The following GNB1 variants were observed in gnomAD, a reference collection of about 807,000 sequenced individuals.
GNB1 encodes the protein G protein subunit beta 1, also known as guanine nucleotide-binding protein G(I)/G(S)/G(T) subunit beta-1.
A neutral mutation model predicts 42.9 loss-of-function variants in GNB1; 2 were observed. The observed-to-expected ratio is 0.05, with a 90% CI of 0.02 to 0.15. The LOEUF is 0.15. GNB1 is among the 10% of genes least tolerant of loss of function. The pLI is 1.00. For synonymous variants in GNB1, 183 were observed against 174.7 expected, an observed-to-expected ratio of 1.05 and a Z score of -0.38; for missense variants, 193 against 462.2, an observed-to-expected ratio of 0.42 and a Z score of 5.34.
intron 1 of GNB1, among the ~76,000 whole-genome samples, chr1:1,840,505 G>A (rs1303665059): frequency 1.3e-5 from 2 of 152,244 alleles, no homozygotes; most frequent in Admixed American, 6.5e-5. Flanking sequence ...TCCAGCCTGG[G>A]TGACAGTGCG....
intron 1 of GNB1, among the ~76,000 whole-genome samples, chr1:1,873,922 G>A (rs906472558): frequency 6.6e-6 from 1 of 152,186 alleles, no homozygotes; most frequent in African/African-American, 2.4e-5. Context: ...ATCCAGGCAG[G>A]CAGCGTGGGG....
chr1:1,843,082 C>G (rs945036923), intron 1 of GNB1, among the ~76,000 whole-genome samples: 1 of 152,168 alleles, frequency 6.6e-6, no homozygotes, highest in South Asian at 2.1e-4. Context: ...CAATACTGAC[C>G]CCAGTTGAGA....
chr1:1,790,622 G>A lies in GNB1; in HGVS notation c.498-26C>T. The A allele has an allele frequency of 6.4e-7, 1 of 1,555,216 alleles. No homozygotes were observed. The highest frequency in any genetic ancestry group is 8.9e-7 in the Non-Finnish European group (1 of 1,127,914). On this transcript the variant is annotated intron_variant, in intron 8 of 11. Coordinates refer to ENST00000378609, the MANE Select transcript of GNB1 (RefSeq NM_002074.5). The surrounding 1 kb of genome is among the most constrained non-coding windows in gnomAD (Gnocchi z 5.4). ...CTGGAGCAGGAGCGAATGACAAGGG[G>A]ACATCAGCCTTAACTTCTTGGGTGG...
intron 1 of GNB1, among the ~76,000 whole-genome samples, chr1:1,882,355 G>T (rs1557952858): frequency 1.3e-5 from 2 of 149,906 alleles, no homozygotes; most frequent in South Asian, 4.2e-4. Flanking sequence ...CTGAACCTGG[G>T]AGGCGGAGGT....
intron 1 of GNB1, among the ~76,000 whole-genome samples, chr1:1,866,308 G>A (rs937880374): frequency 6.6e-6 from 1 of 152,184 alleles, no homozygotes; most frequent in Admixed American, 6.5e-5. Flanking sequence ...CGTTTCACAG[G>A]GATGTCTTCC....
chr1:1,860,643 A>C (rs1648570890), intron 1 of GNB1, among the ~76,000 whole-genome samples: 5 of 149,330 alleles, frequency 3.3e-5, no homozygotes, highest in African/African-American at 7.3e-5. Flanking sequence ...TCTCCAACAA[A>C]AAAAAAAAAA....
intron 7 of GNB1, among the ~76,000 whole-genome samples, chr1:1,800,975 A>G (rs906284783): frequency 6.6e-6 from 1 of 152,236 alleles, no homozygotes; most frequent in Non-Finnish European, 1.5e-5. Flanking sequence ...CCTTTGCAGG[A>G]GAGCGGGAAG....
Position 1,790,734 on chromosome 1 carries a change from T to G in GNB1, c.498-138A>C. The stretch of plus-strand genomic sequence containing the variant: ...TGTTACTTTAAAAACGTAAATTGTT[T>G]AAAGACAAATTTAAATGTAATACAA... On this transcript the variant is annotated intron_variant, in intron 8 of 11. Coordinates refer to ENST00000378609, the MANE Select transcript of GNB1 (RefSeq NM_002074.5). This position sits in a 1 kb window ranked among gnomAD's most constrained non-coding sequence, Gnocchi z 5.4. The G allele has an allele frequency of 1.6e-6, 1 of 626,532 alleles. No individual in the cohort carries two copies. Among genetic ancestry groups the G allele is most frequent in the Non-Finnish European group, 2.9e-6 (1 of 349,324 alleles). 38.8% of individuals were successfully genotyped at this position (626,532 alleles called of 1,614,324 possible).
intron 1 of GNB1, among the ~76,000 whole-genome samples, chr1:1,864,890 T>C (rs372360715): frequency 1.8e-4 from 27 of 152,316 alleles, no homozygotes; most frequent in African/African-American, 6.3e-4. Flanking sequence ...ACCAATTACA[T>C]TTTACTTGGC....
intron 2 of GNB1, among the ~76,000 whole-genome samples, chr1:1,836,090 AAAAAAAC>A (rs1301857382): frequency 5.5e-4 from 83 of 152,010 alleles, no homozygotes; most frequent in African/African-American, 1.9e-3. Flanking sequence ...ACCCTATTTC[AAAAAAAC>A]AAAAAACAAA....
At chr1:1,873,761 T>C (rs1290938494) in intron 1 of GNB1, among the ~76,000 whole-genome samples, 1 of 151,804 alleles carries the variant, frequency 6.6e-6, no homozygotes, top group African/African-American at 2.4e-5. Context: ...GAGGTTACAG[T>C]GAGCCAAGAT....
chr1:1,816,555 T>G (rs998098423), intron 4 of GNB1, among the ~76,000 whole-genome samples: 2 of 151,998 alleles, frequency 1.3e-5, no homozygotes, highest in Non-Finnish European at 2.9e-5. Context: ...ATTTAGACAA[T>G]GTAAAAAACT....
chr1:1,864,338 A>AAAAAAAAAAAAAAAAC (rs1648802871), intron 1 of GNB1, among the ~76,000 whole-genome samples: 1 of 133,092 alleles, frequency 7.5e-6, no homozygotes. Context: ...AAAAAAAAAG[A>AAAAAAAAAAAAAAAAC]AGAAAACCCC....
At chr1:1,877,316 A>T (rs58263709) in intron 1 of GNB1, among the ~76,000 whole-genome samples, 59,470 of 121,500 alleles carry the variant, frequency 0.49, 16,044 homozygotes, top group African/African-American at 0.73. Flanking sequence ...AAAAAAAAAA[A>T]ATATATATAT....
intron 1 of GNB1, among the ~76,000 whole-genome samples, chr1:1,852,968 C>G (rs1463620223): frequency 6.6e-6 from 1 of 152,116 alleles, no homozygotes; most frequent in Non-Finnish European, 1.5e-5. Flanking sequence ...CACTGCAGCG[C>G]TCTGAGGGTT....
At chr1:1,867,405 A>C (rs978717404) in intron 1 of GNB1, among the ~76,000 whole-genome samples, 1 of 152,236 alleles carries the variant, frequency 6.6e-6, no homozygotes, top group Non-Finnish European at 1.5e-5. Context: ...GTCAGAGGAT[A>C]TACCAGGAAA....
intron 1 of GNB1, among the ~76,000 whole-genome samples, chr1:1,864,314 CAAAAAAAAAAAA>C (rs1173466617): frequency 2.6e-5 from 1 of 37,910 alleles, no homozygotes; most frequent in African/African-American, 8.5e-5. Flanking sequence ...AAGACTCTCT[CAAAAAAAAAAAA>C]AAAAAAAAAA....
chr1:1,866,994 C>G (rs1209784133), intron 1 of GNB1, among the ~76,000 whole-genome samples: 1 of 151,972 alleles, frequency 6.6e-6, no homozygotes, highest in Non-Finnish European at 1.5e-5. Context: ...AGGCCGGGTG[C>G]AGTGGCTCAC....
intron 1 of GNB1, among the ~76,000 whole-genome samples, chr1:1,877,972 G>A (rs1485725147): frequency 1.3e-5 from 2 of 152,170 alleles, no homozygotes; most frequent in East Asian, 3.9e-4. Flanking sequence ...AGACACAGAA[G>A]TCTTCTCAGA....
Sources: allele counts gnomAD v4.1 joint callset (sites outside exome capture counted in the v4.1 genomes callset), GRCh38; gene constraint gnomAD v4.1.1; non-coding constraint Gnocchi (gnomAD v3.1); transcripts MANE v1.5; gene names NCBI Gene and HGNC (gene_info 2026-07-23, HGNC 2026-07-21).